PPP4R3A: variants seen among roughly 807,000 people sequenced by gnomAD.
PPP4R3A encodes the protein protein phosphatase 4 regulatory subunit 3A.
A neutral mutation model predicts 91.7 loss-of-function variants in PPP4R3A; 15 were observed. That is an observed-to-expected ratio of 0.16 (90% confidence interval 0.11 to 0.25). The LOEUF is 0.25. Among genes scored for constraint, PPP4R3A ranks in the 10% least tolerant of loss-of-function variants. PPP4R3A has a pLI of 1.00. For missense variants in PPP4R3A, 623 were observed against 998.4 expected (o/e 0.62, Z 5.07); for synonymous variants, 377 against 348.7 (o/e 1.08, Z -0.91).
At chr14:91,500,490 C>T (rs898294535) in intron 1 of PPP4R3A, among the ~76,000 whole-genome samples, 2 of 152,084 alleles carry the variant, frequency 1.3e-5, no homozygotes, top group South Asian at 2.1e-4. Flanking sequence ...TGAGCCACCG[C>T]GCCTGGCCTC....
At chr14:91,501,834 A>G (rs1890980106) in intron 1 of PPP4R3A, among the ~76,000 whole-genome samples, 1 of 148,102 alleles carries the variant, frequency 6.8e-6, no homozygotes, top group Non-Finnish European at 1.5e-5. Flanking sequence ...CCTCCTGAGT[A>G]GCTAGGACTA....
chr14:91,490,219 A>AT (rs1044921955), intron 2 of PPP4R3A, among the ~76,000 whole-genome samples: 1 of 151,810 alleles, frequency 6.6e-6, no homozygotes, highest in Non-Finnish European at 1.5e-5. Context: ...ACTTTCTAAT[A>AT]TTTTTTTGCA....
intron 14 of PPP4R3A, 146 bp from the exon 15 acceptor site, chr14:91,459,015 C>T: frequency 2.3e-6 from 2 of 870,966 alleles, no homozygotes; most frequent in Non-Finnish European, 1.7e-6. Flanking sequence ...AACTTCAATT[C>T]ATTATGTTTA....
intron 1 of PPP4R3A, among the ~76,000 whole-genome samples, chr14:91,506,229 G>T (rs1891285337): frequency 6.6e-6 from 1 of 152,224 alleles, no homozygotes; most frequent in South Asian, 2.1e-4. Context: ...TTACAGGCAT[G>T]AGCCATTGTG....
intron 1 of PPP4R3A, among the ~76,000 whole-genome samples, chr14:91,504,462 C>T (rs1156481032): frequency 2.0e-5 from 3 of 151,948 alleles, no homozygotes; most frequent in East Asian, 3.9e-4. Context: ...ATTCACCAGG[C>T]GTGGTGGCAG....
chr14:91,475,868 C>A lies in PPP4R3A; in HGVS notation c.1209G>T (p.Glu403Asp). The A allele has an allele frequency of 6.2e-7, 1 of 1,613,592 alleles. No homozygotes were observed. Among genetic ancestry groups the A allele is most frequent in the Non-Finnish European group, 8.5e-7 (1 of 1,179,882 alleles). The part of the protein sequence containing the change: ...PSMVREFVMQ[E>D]AQQNDDVSKK... The stretch of plus-strand genomic sequence containing the variant: ...TACTTACATCATCATTCTGTTGTGC[C>A]TCCTGCATGACAAACTCTCGTACCA... Residue 403 changes from glutamate (E) to aspartate (D), a missense_variant, in exon 7 of 15, where the codon GAG becomes GAT. Glu to Asp is a conservative substitution (Grantham distance 45). Transcript: ENST00000554943.
At chr14:91,489,466 C>A (rs892951312) in intron 2 of PPP4R3A, among the ~76,000 whole-genome samples, 4 of 152,176 alleles carry the variant, frequency 2.6e-5, no homozygotes, top group Admixed American at 6.5e-5. Context: ...TTTGACAAAT[C>A]TAGCAAGTTT....
chr14:91,462,850 C>T lies in PPP4R3A; in HGVS notation c.1858G>A (p.Val620Ile), dbSNP rs1298018688. 6.3e-7 allele frequency: 1 copy of T among 1,599,314 alleles called. No homozygotes were observed. The highest frequency in any genetic ancestry group is 8.6e-7 in the Non-Finnish European group (1 of 1,167,802). Reference protein sequence around the residue: ...VEDIKSLTAHVIENYWKALED... With the variant: ...VEDIKSLTAHIIENYWKALED... ...AGTGCTTTCCAGTAATTTTCAATTACATGAGCAGTTAATGATTTTATATCT... is the reference window on the plus strand; with the variant it reads ...AGTGCTTTCCAGTAATTTTCAATTATATGAGCAGTTAATGATTTTATATCT... Residue 620 changes from valine (V) to isoleucine (I), a missense_variant, in exon 12 of 15, where the codon GTA becomes ATA. Transcript: ENST00000554943.
rs777346569 is a variant in PPP4R3A, at chr14:91,473,014, C to G, written c.1501+19G>C. On this transcript the variant is annotated intron_variant, in intron 9 of 14. Coordinates refer to ENST00000554943, the MANE Select transcript of PPP4R3A (RefSeq NM_001366432.2). Reference sequence around the variant, plus strand: ...CATTCAAGAACAGAGAACTTAACTACCAACCTGAATTATCTTACCTTTACT... The same window carrying G: ...CATTCAAGAACAGAGAACTTAACTAGCAACCTGAATTATCTTACCTTTACT... 6.2e-7 allele frequency: 1 copy of G among 1,605,534 alleles called. No individual in the cohort carries two copies. The highest frequency in any genetic ancestry group is 8.5e-7 in the Non-Finnish European group (1 of 1,175,806).
intron 3 of PPP4R3A, among the ~76,000 whole-genome samples, chr14:91,483,122 G>C (rs767205189): frequency 1.3e-5 from 2 of 151,742 alleles, no homozygotes; most frequent in African/African-American, 2.4e-5. Context: ...CATTTTTTTT[G>C]GTAACAAAAG....
intron 1 of PPP4R3A, among the ~76,000 whole-genome samples, chr14:91,499,129 G>A (rs1890779109): frequency 6.6e-6 from 1 of 151,794 alleles, no homozygotes; most frequent in South Asian, 2.1e-4. Context: ...GCCAGGCATG[G>A]TGGTACAGGC....
chr14:91,484,591 TG>T (rs1475936925), intron 3 of PPP4R3A, among the ~76,000 whole-genome samples: 68 of 152,208 alleles, frequency 4.5e-4, no homozygotes, highest in Non-Finnish European at 1.6e-4. Context: ...ATAGGGCTTG[TG>T]AAAACAGAAT....
At chr14:91,496,191 C>A (rs959868670) in intron 1 of PPP4R3A, among the ~76,000 whole-genome samples, 20 of 152,286 alleles carry the variant, frequency 1.3e-4, no homozygotes, top group Admixed American at 3.9e-4. Flanking sequence ...CTGAAGTAGG[C>A]TTCCAGAGTA....
At chr14:91,477,368 T>TCA (rs1889276041) in intron 4 of PPP4R3A, among the ~76,000 whole-genome samples, 1 of 152,208 alleles carries the variant, frequency 6.6e-6, no homozygotes, top group African/African-American at 2.4e-5. Flanking sequence ...TGCTGACCCC[T>TCA]CACTTTCATA....
chr14:91,489,199 G>C (rs550895167), intron 2 of PPP4R3A, among the ~76,000 whole-genome samples: 1 of 152,142 alleles, frequency 6.6e-6, no homozygotes, highest in East Asian at 1.9e-4. Context: ...GAGCCACCAC[G>C]CCTGGCTGGT....
intron 1 of PPP4R3A, among the ~76,000 whole-genome samples, chr14:91,501,871 A>ATTTTTTTTTTTTTTTTTTTT (rs755484959): frequency 7.0e-5 from 7 of 100,238 alleles, no homozygotes; most frequent in African/African-American, 7.8e-5. Context: ...AGCCCGGCTA[A>ATTTTTTTTTTTTTTTTTTTT]TTTTTTTTTT....
intron 11 of PPP4R3A, among the ~76,000 whole-genome samples, chr14:91,464,531 A>G (rs1212683310): frequency 1.3e-5 from 2 of 152,160 alleles, no homozygotes; most frequent in African/African-American, 4.8e-5. Flanking sequence ...TGTGAGGCTA[A>G]GGTGGGAGGA....
At chr14:91,494,660 C>T (rs1298920792) in intron 1 of PPP4R3A, among the ~76,000 whole-genome samples, 4 of 152,016 alleles carry the variant, frequency 2.6e-5, no homozygotes, top group African/African-American at 7.3e-5. Context: ...GTCAGGAGTT[C>T]GAGACCAGCC....
Position 91,481,708 on chromosome 14 carries a change from A to G in PPP4R3A, c.783T>C (p.Ile261=), listed in dbSNP as rs772418752. ...PISDPELKQK[I]HQTYRVQYIQ... is the part of the protein sequence containing the mutation. ...TATACTGAACTCTGTATGTCTGATG[A>G]ATTTTTTGTTTCAGCTCAGGATCTG... The change falls in exon 4 of 15, where the codon ATT becomes ATC. Residue 261 remains isoleucine (I), a synonymous_variant. Transcript: ENST00000554943. 9.3e-6 allele frequency: 15 copies of G among 1,613,952 alleles called. No homozygotes were observed. The highest frequency in any genetic ancestry group is 1.1e-5 in the Non-Finnish European group (13 of 1,180,010).
Sources: allele counts gnomAD v4.1 joint callset (sites outside exome capture counted in the v4.1 genomes callset), GRCh38; gene constraint gnomAD v4.1.1; transcripts MANE v1.5; gene names NCBI Gene and HGNC (gene_info 2026-07-23, HGNC 2026-07-21).